Variants in ANO4 observed in about 807,000 individuals in gnomAD.
ANO4 encodes anoctamin 4.
ANO4 carries 69 observed loss-of-function variants against 141.9 expected under a neutral mutation model. The observed-to-expected ratio is 0.49, with a 90% CI of 0.40 to 0.59. The LOEUF (loss-of-function observed/expected upper bound fraction) is 0.59. Ranked by LOEUF, ANO4 falls within the 20% of genes least tolerant of loss-of-function variation. ANO4 has a pLI of 0.00. For synonymous variants in ANO4, 350 were observed against 394.3 expected (o/e 0.89, Z 1.33); for missense variants, 894 against 1,162.2 (o/e 0.77, Z 3.36).
chr12:100,962,878 G>A (rs542459502), intron 5 of ANO4, among the ~76,000 whole-genome samples: 1 of 152,320 alleles, frequency 6.6e-6, no homozygotes, highest in African/African-American at 2.4e-5. Context: ...AGAGATGATG[G>A]TTGCTCAAAG....
intron 1 of ANO4, among the ~76,000 whole-genome samples, chr12:100,718,164 T>C (rs376606377): frequency 6.6e-6 from 1 of 152,262 alleles, no homozygotes; most frequent in African/African-American, 2.4e-5. Context: ...TATACATATA[T>C]ACATGTGTGG....
At chr12:100,719,192 A>C (rs1024101231) in intron 1 of ANO4, among the ~76,000 whole-genome samples, 4 of 152,334 alleles carry the variant, frequency 2.6e-5, no homozygotes, top group Admixed American at 2.0e-4. Flanking sequence ...ATTTCAATAA[A>C]AATATCAATT....
At chr12:100,745,340 T>C (rs1240115880) in intron 3 of ANO4, among the ~76,000 whole-genome samples, 1 of 152,254 alleles carries the variant, frequency 6.6e-6, no homozygotes, top group Non-Finnish European at 1.5e-5. Flanking sequence ...TATTTTGTTA[T>C]TCTTTCTGTT....
chr12:100,747,906 C>G (rs2032186267), intron 3 of ANO4, among the ~76,000 whole-genome samples: 1 of 152,106 alleles, frequency 6.6e-6, no homozygotes, highest in Non-Finnish European at 1.5e-5. Context: ...CTAATGAATT[C>G]CAAACATTCC....
chr12:100,821,788 T>C, intron 1 of ANO4, among the ~76,000 whole-genome samples: 1 of 152,194 alleles, frequency 6.6e-6, no homozygotes, highest in South Asian at 2.1e-4. Context: ...TTTACAGTTA[T>C]AAACAGCAAG....
At chr12:100,905,417 G>T (rs1171091365) in intron 2 of ANO4, among the ~76,000 whole-genome samples, 1 of 152,140 alleles carries the variant, frequency 6.6e-6, no homozygotes, top group Non-Finnish European at 1.5e-5. Flanking sequence ...AGAAAACCCA[G>T]AAGTGCCACA....
chr12:101,097,029 A>G (rs1193697953), intron 19 of ANO4, among the ~76,000 whole-genome samples: 1 of 152,056 alleles, frequency 6.6e-6, no homozygotes, highest in Non-Finnish European at 1.5e-5. Context: ...CTTAAAAGGG[A>G]AGGACATCCT....
Position 100,987,682 on chromosome 12 carries a change from A to G in ANO4, c.734+12A>G, listed in dbSNP as rs370304398. ...CAAAGGATCCATCAGTGAGTGTTCC[A>G]TGTTAAAGCCCCATCTCACTAAGGA... On this transcript the variant is annotated intron_variant, in intron 8 of 27. Coordinates refer to ENST00000392977, the MANE Select transcript of ANO4 (RefSeq NM_001286615.2). 41 of 1,613,322 alleles carry G rather than the reference A, an allele frequency of 2.5e-5. No homozygotes were observed. Among genetic ancestry groups the G allele is most frequent in the Non-Finnish European group, 3.2e-5 (38 of 1,179,728 alleles).
At chr12:101,120,201 G>A (rs1161145176) in intron 25 of ANO4, among the ~76,000 whole-genome samples, 5 of 152,140 alleles carry the variant, frequency 3.3e-5, no homozygotes, top group African/African-American at 7.2e-5. Flanking sequence ...TTTGCCTTCT[G>A]TGGGCTTAGT....
intron 3 of ANO4, among the ~76,000 whole-genome samples, chr12:100,769,240 G>A (rs10860630): frequency 0.11 from 17,108 of 152,108 alleles, 1,317 homozygotes; most frequent in East Asian, 0.32. Flanking sequence ...TATCCTGAGA[G>A]GTATGCATTT....
chr12:100,723,664 A>G (rs776220181), intron 1 of ANO4, among the ~76,000 whole-genome samples: 1 of 152,214 alleles, frequency 6.6e-6, no homozygotes, highest in African/African-American at 2.4e-5. Context: ...ATGTACATAC[A>G]CAAGTTTACA....
intron 8 of ANO4, among the ~76,000 whole-genome samples, chr12:101,008,848 C>T (rs536524049): frequency 6.6e-6 from 1 of 152,236 alleles, no homozygotes; most frequent in East Asian, 1.9e-4. Context: ...GAACTCTTGC[C>T]TTCCGCTCCT....
At chr12:101,035,231 A>G (rs2047147922) in intron 9 of ANO4, among the ~76,000 whole-genome samples, 1 of 152,206 alleles carries the variant, frequency 6.6e-6, no homozygotes. Flanking sequence ...AGCTACTGAT[A>G]TTTGCAACAA....
chr12:101,067,446 G>C (rs1229032766), intron 14 of ANO4, among the ~76,000 whole-genome samples: 2 of 152,222 alleles, frequency 1.3e-5, no homozygotes, highest in Non-Finnish European at 2.9e-5. Context: ...ACTTTGGGAA[G>C]CTGAGGTGGA....
chr12:100,842,076 C>CCGG (rs1252779548), intron 1 of ANO4: 1 of 96,686 alleles, frequency 1.0e-5, no homozygotes, highest in South Asian at 4.6e-4. Context: ...CCCCCCCCCC[C>CCGG]CACTGAAAGC....
intron 3 of ANO4, among the ~76,000 whole-genome samples, chr12:100,746,419 C>T (rs1439652778): frequency 2.8e-5 from 4 of 143,028 alleles, no homozygotes; most frequent in Non-Finnish European, 6.1e-5. Context: ...TGCCGCTGCA[C>T]TCCAGCCTGA....
At chr12:101,042,524 T>C in intron 12 of ANO4, 56 bp downstream of exon 12, 1 of 1,603,822 alleles carries the variant, frequency 6.2e-7, no homozygotes, top group South Asian at 1.1e-5. Flanking sequence ...GGTGGCTGTT[T>C]GCACTTTGGG....
chr12:101,122,322 T>C (rs984402284), intron 26 of ANO4, among the ~76,000 whole-genome samples: 2 of 152,224 alleles, frequency 1.3e-5, no homozygotes, highest in Non-Finnish European at 2.9e-5. Flanking sequence ...GCAAATATTT[T>C]CTCCCATTCT....
At chr12:101,017,685 A>G (rs1373372995) in intron 8 of ANO4, among the ~76,000 whole-genome samples, 2 of 152,186 alleles carry the variant, frequency 1.3e-5, no homozygotes, top group African/African-American at 4.8e-5. Context: ...CTGAGTTCAA[A>G]TGCTGGTTCA....
Sources: allele counts gnomAD v4.1 joint callset (sites outside exome capture counted in the v4.1 genomes callset), GRCh38; gene constraint gnomAD v4.1.1; transcripts MANE v1.5; gene names NCBI Gene and HGNC (gene_info 2026-07-23, HGNC 2026-07-21).